DOCK2: variants seen among roughly 807,000 people sequenced by gnomAD.
DOCK2 encodes the protein dedicator of cytokinesis protein 2.
Under a neutral mutation model 248.9 loss-of-function variants are expected in DOCK2, and 87 were observed. The observed-to-expected ratio is 0.35, with a 90% CI of 0.29 to 0.42. DOCK2 has a LOEUF of 0.42. DOCK2 is among the 10% of genes least tolerant of loss of function. The pLI is 1.00. For missense variants in DOCK2, 1,747 were observed against 2,300.2 expected, an observed-to-expected ratio of 0.76 and a Z score of 4.92; for synonymous variants, 805 against 821.6, an observed-to-expected ratio of 0.98 and a Z score of 0.35.
intron 1 of DOCK2, among the ~76,000 whole-genome samples, chr5:169,648,509 C>T (rs1348270317): frequency 1.3e-5 from 2 of 152,174 alleles, no homozygotes; most frequent in East Asian, 3.8e-4. Context: ...AGGCCTAAAG[C>T]ACCTGGCACA....
At chr5:169,753,634 A>G (rs1007151900) in intron 23 of DOCK2, among the ~76,000 whole-genome samples, 2 of 152,184 alleles carry the variant, frequency 1.3e-5, no homozygotes, top group Non-Finnish European at 2.9e-5. Flanking sequence ...CAATAGCGCA[A>G]TTTCATTAAG....
chr5:170,050,690 G>A (rs1756882630), intron 41 of DOCK2, among the ~76,000 whole-genome samples: 1 of 151,916 alleles, frequency 6.6e-6, no homozygotes, highest in Non-Finnish European at 1.5e-5. Flanking sequence ...AAGGAAAGAC[G>A]CTTGCTCTGG....
intron 22 of DOCK2, among the ~76,000 whole-genome samples, chr5:169,734,937 G>A (rs187302916): frequency 3.3e-5 from 5 of 152,304 alleles, no homozygotes; most frequent in East Asian, 1.9e-4. Context: ...TTGCTCTGAC[G>A]TACCCAGAGA....
intron 33 of DOCK2, among the ~76,000 whole-genome samples, chr5:170,025,848 T>TTCC (rs1554126895): frequency 9.5e-5 from 6 of 63,464 alleles, no homozygotes; most frequent in African/African-American, 1.3e-4. Flanking sequence ...TCCTTCCTTC[T>TTCC]TTCCTTCCTT....
chr5:169,736,267 T>C (rs1763035808), intron 22 of DOCK2, among the ~76,000 whole-genome samples: 1 of 152,196 alleles, frequency 6.6e-6, no homozygotes, highest in East Asian at 1.9e-4. Flanking sequence ...GGTAAAGTGA[T>C]GGGTCTTTTC....
chr5:169,887,852 C>T (rs997259206), intron 27 of DOCK2, among the ~76,000 whole-genome samples: 6 of 152,178 alleles, frequency 3.9e-5, no homozygotes, highest in African/African-American at 1.4e-4. Context: ...TCTGCCATTA[C>T]TGCATGAGAA....
At chr5:169,644,673 T>C (rs762356333) in intron 1 of DOCK2, among the ~76,000 whole-genome samples, 3 of 151,756 alleles carry the variant, frequency 2.0e-5, no homozygotes, top group Non-Finnish European at 2.9e-5. Context: ...GTGCAGAACA[T>C]GCAGGTTTGT....
chr5:170,072,482 G>A (rs1331698959), intron 46 of DOCK2, among the ~76,000 whole-genome samples: 1 of 152,206 alleles, frequency 6.6e-6, no homozygotes, highest in African/African-American at 2.4e-5. Context: ...TATGAGTAAA[G>A]TTGCTATGAA....
In DOCK2 at chr5:169,714,084, A is replaced by G; in HGVS notation, c.1716A>G (p.Arg572=). Reference sequence around the variant, plus strand: ...CATACCTGACCCTTCCTTCTTATCGACACCATGTGGAAAACAAGGGGGCCA... The same window carrying G: ...CATACCTGACCCTTCCTTCTTATCGGCACCATGTGGAAAACAAGGGGGCCA... ...ASAYLTLPSY[R]HHVENKGATL... Residue 572 remains arginine (R), a synonymous_variant, in exon 18 of 52, where the codon CGA becomes CGG. Coordinates refer to ENST00000520908, the MANE Select transcript of DOCK2 (RefSeq NM_004946.3). 3 of 1,613,568 alleles carry G rather than the reference A, an allele frequency of 1.9e-6. No homozygotes were observed. The highest frequency in any genetic ancestry group is 2.2e-5 in the South Asian group (2 of 90,958).
intron 27 of DOCK2, among the ~76,000 whole-genome samples, chr5:169,864,078 G>A (rs1031085100): frequency 1.4e-4 from 22 of 152,150 alleles, no homozygotes; most frequent in African/African-American, 3.9e-4. Flanking sequence ...GCAAGCAGTC[G>A]CACGCACTCA....
At position 169,718,692 on chromosome 5, in the gene DOCK2, C is replaced by G; in HGVS notation, c.2168C>G (p.Thr723Ser). 1 of 1,613,742 alleles carries G rather than the reference C, an allele frequency of 6.2e-7. No individual in the cohort carries two copies. ...ACAGTGCTGAAGACTTACTTGGATA[C>G]CTCCAGCAGAGGGGAGCAATGTGAG... The part of the protein sequence containing the change: ...LMTVLKTYLD[T>S]SSRGEQCEPI... Residue 723 changes from threonine (T) to serine (S), a missense_variant, in exon 22 of 52, where the codon ACC (threonine) becomes AGC (serine). Thr to Ser is a moderately conservative substitution (Grantham distance 58). Coordinates refer to ENST00000520908, the MANE Select transcript of DOCK2 (RefSeq NM_004946.3).
At chr5:169,639,796 A>G (rs1581359459) in intron 1 of DOCK2, among the ~76,000 whole-genome samples, 1 of 152,364 alleles carries the variant, frequency 6.6e-6, no homozygotes, top group South Asian at 2.1e-4. Context: ...CCAGCTAAAA[A>G]TTAGGAGTTC....
At chr5:169,731,875 T>G (rs1762793822) in intron 22 of DOCK2, among the ~76,000 whole-genome samples, 1 of 152,122 alleles carries the variant, frequency 6.6e-6, no homozygotes, top group Non-Finnish European at 1.5e-5. Context: ...AATCTTGCAC[T>G]TTGGGAGGCT....
At chr5:169,969,244 A>G (rs1241506496) in intron 27 of DOCK2, among the ~76,000 whole-genome samples, 2 of 152,154 alleles carry the variant, frequency 1.3e-5, no homozygotes, top group East Asian at 3.9e-4. Context: ...CAGGAGCTCA[A>G]GAACAGCTTG....
intron 27 of DOCK2, among the ~76,000 whole-genome samples, chr5:169,938,116 C>T (rs1776074108): frequency 6.6e-6 from 1 of 152,202 alleles, no homozygotes; most frequent in South Asian, 2.1e-4. Flanking sequence ...GGAGGTTATA[C>T]TTGCAAGACA....
intron 27 of DOCK2, among the ~76,000 whole-genome samples, chr5:169,954,636 C>T (rs778579344): frequency 3.3e-5 from 5 of 152,356 alleles, no homozygotes; most frequent in South Asian, 2.1e-4. Context: ...AGGGGAGTGA[C>T]TTGCCCAGAA....
chr5:169,683,197 A>G (rs1003124497), intron 7 of DOCK2, among the ~76,000 whole-genome samples: 2 of 152,170 alleles, frequency 1.3e-5, no homozygotes, highest in Non-Finnish European at 2.9e-5. Flanking sequence ...TTTTTAAGGT[A>G]TTGCCATGCT....
chr5:169,961,823 C>A (rs1330398504), intron 27 of DOCK2, among the ~76,000 whole-genome samples: 1 of 151,384 alleles, frequency 6.6e-6, no homozygotes, highest in Admixed American at 6.6e-5. Flanking sequence ...ACTAAAAATA[C>A]AAAAAATTAG....
intron 27 of DOCK2, among the ~76,000 whole-genome samples, chr5:169,871,371 A>G (rs1252481229): frequency 6.6e-6 from 1 of 152,244 alleles, no homozygotes; most frequent in East Asian, 1.9e-4. Flanking sequence ...ATGGTAATTT[A>G]AATGGGCAAA....
Sources: allele counts gnomAD v4.1 joint callset (sites outside exome capture counted in the v4.1 genomes callset), GRCh38; gene constraint gnomAD v4.1.1; transcripts MANE v1.5; gene names NCBI Gene and HGNC (gene_info 2026-07-23, HGNC 2026-07-21).